DERA: variants seen among roughly 807,000 people sequenced by gnomAD.
DERA encodes 2-deoxy-D-ribose 5-phosphate aldolase.
Under a neutral mutation model 41.1 loss-of-function variants are expected in DERA, and 15 were observed. That is an observed-to-expected ratio of 0.37 (90% CI 0.24 to 0.56). The LOEUF is 0.56. Ranked by LOEUF, DERA falls within the 20% of genes least tolerant of loss-of-function variation. The pLI is 0.81. For synonymous variants in DERA, 139 were observed against 137.4 expected (o/e 1.01, Z -0.08); for missense variants, 396 against 403.4 (o/e 0.98, Z 0.16).
At chr12:15,932,513 G>T (rs531371752) in intron 1 of DERA, among the ~76,000 whole-genome samples, 1 of 152,158 alleles carries the variant, frequency 6.6e-6, no homozygotes, top group East Asian at 1.9e-4. Flanking sequence ...AGCTGGGTGT[G>T]GTGGTGCATG....
At position 16,013,241 on chromosome 12, in the gene DERA, C is replaced by T. The variant is rs1321074390; in HGVS notation, c.638-19301C>T. The stretch of plus-strand genomic sequence containing the variant: ...TAGTAATGCTTAGTTTAATGTGTGA[C>T]TGCACATGCTGTTCATTTGTGATAT... On this transcript the variant is annotated intron_variant, in intron 6 of 8. Transcript: ENST00000428559. This position sits in a 1 kb window ranked among gnomAD's most constrained non-coding sequence, Gnocchi z 5.8. Among the ~76,000 whole-genome samples the T allele has an allele frequency of 6.6e-6, 1 of 152,190 alleles. No individual in the cohort carries two copies. Among genetic ancestry groups the T allele is most frequent in the East Asian group, 1.9e-4 (1 of 5,200 alleles).
intron 6 of DERA, among the ~76,000 whole-genome samples, chr12:16,031,042 G>C (rs970381363): frequency 2.6e-5 from 4 of 152,212 alleles, no homozygotes; most frequent in Non-Finnish European, 4.4e-5. Flanking sequence ...AGTTTTCAAA[G>C]TGCTTGCTAT....
intron 5 of DERA, among the ~76,000 whole-genome samples, chr12:15,969,477 G>T (rs1300350716): frequency 6.6e-6 from 1 of 152,166 alleles, no homozygotes; most frequent in African/African-American, 2.4e-5. Flanking sequence ...CTGACATTCT[G>T]CAGCATCTTA....
intron 1 of DERA, among the ~76,000 whole-genome samples, chr12:15,926,633 G>A (rs535868733): frequency 2.9e-4 from 44 of 152,166 alleles, no homozygotes; most frequent in African/African-American, 9.6e-4. Context: ...CTACTCGGGA[G>A]GCTGAGGCAG....
In DERA at chr12:15,973,029, A is replaced by C. The variant is rs551372148; in HGVS notation, c.509-9279A>C. Among the ~76,000 whole-genome samples, 3 of 152,106 alleles carry C rather than the reference A, an allele frequency of 2.0e-5. No homozygotes were observed. The East Asian group carries it at 5.8e-4, about 29-fold the overall frequency. ...ACACAGGCCTTTCTCATTGTGGCCGAGTGCTCTGATTCCTGTCAGTGAGCA... is the reference window on the plus strand; with the variant it reads ...ACACAGGCCTTTCTCATTGTGGCCGCGTGCTCTGATTCCTGTCAGTGAGCA... On this transcript the variant is annotated intron_variant, in intron 5 of 8. Transcript: ENST00000428559.
chr12:15,957,117 C>T lies in DERA; in HGVS notation c.129+84C>T. ...CAAGGCCACAATATTGAATTTCACT[C>T]AAGATGCATCTAAACTTAAAAGATT... is the stretch of plus-strand genomic sequence containing the variant. On this transcript the variant is annotated intron_variant, in intron 2 of 8. Transcript: ENST00000428559. This position sits in a 1 kb window ranked among gnomAD's most constrained non-coding sequence, Gnocchi z 4.8. The T allele has an allele frequency of 3.1e-6, 3 of 981,672 alleles. No homozygotes were observed. Among genetic ancestry groups the T allele is most frequent in the East Asian group, 5.1e-5 (2 of 39,450 alleles). The allele number at this position is 981,672 out of a possible 1,614,324, so 60.8% of individuals were successfully genotyped here. A position where few individuals can be genotyped will look rare whatever the true frequency, so the allele number is the denominator to read the frequency against.
At chr12:15,923,479 T>C (rs1342951990) in intron 1 of DERA, among the ~76,000 whole-genome samples, 1 of 152,214 alleles carries the variant, frequency 6.6e-6, no homozygotes, top group Non-Finnish European at 1.5e-5. Flanking sequence ...CTTCCTTCTC[T>C]GGCCAGCATA....
rs531335535 is a variant in DERA, at chr12:15,964,670, T to C, written c.508+1723T>C. Among the ~76,000 whole-genome samples the C allele has an allele frequency of 4.6e-5, 7 of 152,374 alleles. No individual in the cohort carries two copies. In the East Asian group the frequency reaches 1.3e-3, roughly 29 times the overall value. Reference sequence around the variant, plus strand: ...AAATCTGGCAATAAACTTTATGTGATTTAGTTGTATACAAACCTATATGTC... The same window carrying C: ...AAATCTGGCAATAAACTTTATGTGACTTAGTTGTATACAAACCTATATGTC... On this transcript the variant is annotated intron_variant, in intron 5 of 8. Transcript: ENST00000428559.
In DERA at chr12:15,967,502, A is replaced by G. The variant is rs1036094653; in HGVS notation, c.508+4555A>G. Among the ~76,000 whole-genome samples, 1 of 152,158 alleles carries G rather than the reference A, an allele frequency of 6.6e-6. No homozygotes were observed. Among genetic ancestry groups the G allele is most frequent in the African/African-American group, 2.4e-5 (1 of 41,430 alleles). On this transcript the variant is annotated intron_variant, in intron 5 of 8. Transcript: ENST00000428559. The surrounding 1 kb of genome is among the most constrained non-coding windows in gnomAD (Gnocchi z 4.9). ...TTCTTAACAATTTTTATTAAATACA[A>G]TTTAATTTTTTCTTGATTATTCCAA...
chr12:15,912,523 C>A (rs1370194777), intron 1 of DERA, among the ~76,000 whole-genome samples: 1 of 152,162 alleles, frequency 6.6e-6, no homozygotes, highest in Non-Finnish European at 1.5e-5. Context: ...TGACTTCGGA[C>A]AAATTAATAA....
chr12:15,971,508 C>CTTTTTT (rs56142412), intron 5 of DERA, among the ~76,000 whole-genome samples: 17 of 97,034 alleles, frequency 1.8e-4, no homozygotes, highest in African/African-American at 3.0e-4. Context: ...TATCTCAACT[C>CTTTTTT]TTTTTTTTTT....
intron 1 of DERA, among the ~76,000 whole-genome samples, chr12:15,937,190 T>C (rs1948374843): frequency 6.6e-6 from 1 of 152,176 alleles, no homozygotes; most frequent in Non-Finnish European, 1.5e-5. Flanking sequence ...TCCTGGGCTC[T>C]AGCGATCTTC....
rs1262065611 is a variant in DERA, at chr12:16,012,102, G to A, written c.638-20440G>A. On this transcript the variant is annotated intron_variant, in intron 6 of 8. Coordinates refer to ENST00000428559, the MANE Select transcript of DERA (RefSeq NM_015954.4). The surrounding 1 kb of genome is among the most constrained non-coding windows in gnomAD (Gnocchi z 4.1). ...CCTTGTCTTGTACACTGCTGTGTAT[G>A]CACTTTATAGAAAAGTACTAGCATA... 6.6e-6 allele frequency among the ~76,000 whole-genome samples: 1 copy of A among 152,216 alleles called. No individual in the cohort carries two copies. Among genetic ancestry groups the A allele is most frequent in the African/African-American group, 2.4e-5 (1 of 41,462 alleles).
rs1247370027 is a variant in DERA, at chr12:15,996,878, A to G, written c.637+14442A>G. 6.6e-6 allele frequency among the ~76,000 whole-genome samples: 1 copy of G among 152,218 alleles called. No homozygotes were observed. The highest frequency in any genetic ancestry group is 1.5e-5 in the Non-Finnish European group (1 of 68,036). On this transcript the variant is annotated intron_variant, in intron 6 of 8. Coordinates refer to ENST00000428559, the MANE Select transcript of DERA (RefSeq NM_015954.4). This position sits in a 1 kb window ranked among gnomAD's most constrained non-coding sequence, Gnocchi z 4.7. ...TGTGGATAGGGGAAATCTAGTAGAT[A>G]TTAAATATTTTTATCTGCAAAAAGC... is the stretch of plus-strand genomic sequence containing the variant.
intron 1 of DERA, among the ~76,000 whole-genome samples, chr12:15,917,497 C>G (rs558140179): frequency 7.9e-5 from 12 of 152,252 alleles, no homozygotes; most frequent in African/African-American, 2.9e-4. Context: ...CTAACATAAT[C>G]TCTTTTAATT....
At chr12:15,925,005 A>G (rs1359018407) in intron 1 of DERA, among the ~76,000 whole-genome samples, 2 of 152,200 alleles carry the variant, frequency 1.3e-5, no homozygotes, top group African/African-American at 2.4e-5. Flanking sequence ...TGTTGAATGA[A>G]TAAGGAAGCA....
chr12:15,973,848 A>T (rs1247866362), intron 5 of DERA, among the ~76,000 whole-genome samples: 1 of 152,132 alleles, frequency 6.6e-6, no homozygotes, highest in Non-Finnish European at 1.5e-5. Flanking sequence ...AGAGTGATTG[A>T]TAGTCTAAAA....
rs1310068942 is a variant in DERA, at chr12:15,913,562, T to C, written c.31+2148T>C. 2.6e-5 allele frequency among the ~76,000 whole-genome samples: 4 copies of C among 152,238 alleles called. No homozygotes were observed. The highest frequency in any genetic ancestry group is 4.4e-5 in the Non-Finnish European group (3 of 68,044). The stretch of plus-strand genomic sequence containing the variant: ...TATTACAAAAGGAATTCATGGTTAT[T>C]GTAAAAATTCTAGAAAATACAGTTA... On this transcript the variant is annotated intron_variant, in intron 1 of 8. Transcript: ENST00000428559. This position sits in a 1 kb window ranked among gnomAD's most constrained non-coding sequence, Gnocchi z 4.5.
chr12:16,029,604 G>C (rs1228897883), intron 6 of DERA, among the ~76,000 whole-genome samples: 3 of 151,842 alleles, frequency 2.0e-5, no homozygotes, highest in Non-Finnish European at 4.4e-5. Flanking sequence ...CATCCATCTA[G>C]AAATTATTTA....
Sources: allele counts gnomAD v4.1 joint callset (sites outside exome capture counted in the v4.1 genomes callset), GRCh38; gene constraint gnomAD v4.1.1; non-coding constraint Gnocchi (gnomAD v3.1); transcripts MANE v1.5; gene names NCBI Gene and HGNC (gene_info 2026-07-23, HGNC 2026-07-21).